Variants in FSD1L observed in about 807,000 individuals in gnomAD.
FSD1L encodes the protein FSD1-like protein.
In FSD1L, 45 loss-of-function variants were observed where a neutral mutation model predicts 71.6. That is an observed-to-expected ratio of 0.63 (90% CI 0.49 to 0.81). The LOEUF (loss-of-function observed/expected upper bound fraction) is 0.81, where lower values mean the gene tolerates loss of function less well. FSD1L is among the 30% of genes least tolerant of loss of function. The probability of loss-of-function intolerance (pLI) is 0.00; values close to 1 mark genes in which losing one functional copy is unlikely to be tolerated. For missense variants in FSD1L, 561 were observed against 618.1 expected (o/e 0.91, Z 0.98); for synonymous variants, 197 against 207.2 (o/e 0.95, Z 0.42).
At chr9:105,524,003 A>G (rs1835346608) in intron 10 of FSD1L, 9 of 1,597,730 alleles carry the variant, frequency 5.6e-6, no homozygotes, top group East Asian at 4.5e-5. Context: ...TATATTGTGA[A>G]CTGCCTTCTC....
intron 10 of FSD1L, chr9:105,524,904 C>T (rs1835412569): frequency 6.2e-7 from 1 of 1,610,194 alleles, no homozygotes; most frequent in African/African-American, 1.3e-5. Flanking sequence ...TTCTCCTGAA[C>T]TCTTTGAGAG....
chr9:105,526,209 T>G, intron 10 of FSD1L: 1 of 1,597,062 alleles, frequency 6.3e-7, no homozygotes, highest in Non-Finnish European at 8.6e-7. Flanking sequence ...AATCTCTGAT[T>G]CCATTGTATC....
intron 10 of FSD1L, among the ~76,000 whole-genome samples, chr9:105,530,337 ACTTATT>A (rs1370000408): frequency 3.9e-5 from 6 of 152,134 alleles, no homozygotes; most frequent in Non-Finnish European, 7.4e-5. Context: ...TTGACATAAA[ACTTATT>A]ATAAGTTGTT....
chr9:105,493,596 C>T (rs1022359606), intron 7 of FSD1L, among the ~76,000 whole-genome samples: 23 of 152,136 alleles, frequency 1.5e-4, no homozygotes, highest in South Asian at 4.2e-4. Context: ...TTCCTAGCCT[C>T]GATGGTCTTT....
chr9:105,527,866 C>T (rs1835622322), intron 10 of FSD1L, among the ~76,000 whole-genome samples: 2 of 152,096 alleles, frequency 1.3e-5, no homozygotes, highest in Non-Finnish European at 2.9e-5. Flanking sequence ...TCTCTGTTTG[C>T]AGATGACATG....
At chr9:105,526,116 C>A in intron 10 of FSD1L, 2 of 1,555,424 alleles carry the variant, frequency 1.3e-6, no homozygotes, top group Non-Finnish European at 1.8e-6. Flanking sequence ...TCTTTGGTCC[C>A]CTTTTTGATG....
chr9:105,515,198 T>G (rs972591018), intron 10 of FSD1L, among the ~76,000 whole-genome samples: 4 of 152,146 alleles, frequency 2.6e-5, no homozygotes, highest in Admixed American at 2.6e-4. Context: ...AACGCCCGCC[T>G]ACGCTTGGGC....
chr9:105,521,445 C>G, intron 10 of FSD1L: 1 of 1,613,684 alleles, frequency 6.2e-7, no homozygotes, highest in Non-Finnish European at 8.5e-7. Flanking sequence ...TGAAATAGTT[C>G]GCAGAGTTTT....
upstream of FSD1L, among the ~76,000 whole-genome samples, chr9:105,443,590 A>G (rs531704725): frequency 6.6e-6 from 1 of 152,178 alleles, no homozygotes; most frequent in African/African-American, 2.4e-5. Flanking sequence ...TTGACTTCCA[A>G]GGGGTTGCAG....
At chr9:105,503,905 C>G (rs376497310) in intron 7 of FSD1L, among the ~76,000 whole-genome samples, 3 of 152,282 alleles carry the variant, frequency 2.0e-5, no homozygotes, top group African/African-American at 4.8e-5. Context: ...ACCTCAGTTT[C>G]CATTTTGTCA....
intron 10 of FSD1L, chr9:105,522,047 A>G (rs1344544848): frequency 1.2e-6 from 2 of 1,612,976 alleles, no homozygotes; most frequent in African/African-American, 2.7e-5. Flanking sequence ...AGATGCCATC[A>G]CAAGCTTTTC....
chr9:105,505,779 G>A (rs954966617), intron 7 of FSD1L, among the ~76,000 whole-genome samples: 2 of 152,150 alleles, frequency 1.3e-5, no homozygotes, highest in Non-Finnish European at 2.9e-5. Context: ...TTTAAATCTG[G>A]TAGCTGCTGG....
intron 10 of FSD1L, among the ~76,000 whole-genome samples, chr9:105,519,609 G>A (rs927085408): frequency 6.6e-5 from 10 of 152,154 alleles, no homozygotes; most frequent in African/African-American, 2.2e-4. Flanking sequence ...TCCCCTTCAT[G>A]CTAAAAACTC....
rs992312022 is a variant in FSD1L at position 105,479,351 on chromosome 9, A to T, written c.442-3A>T. ...CTTTCTCTTCTCCCTGATTGGCTCC[A>T]AGGCTGCCAGACAGATCAAGGATAG... On this transcript the variant is annotated splice_polypyrimidine_tract_variant and splice_region_variant and intron_variant, in intron 5 of 13. Coordinates refer to ENST00000481272, the MANE Select transcript of FSD1L (RefSeq NM_001145313.3). 1.2e-5 allele frequency: 18 copies of T among 1,550,696 alleles called. No homozygotes were observed. The highest frequency in any genetic ancestry group is 1.6e-5 in the Non-Finnish European group (18 of 1,146,328).
intron 10 of FSD1L, chr9:105,523,187 T>C: frequency 6.2e-7 from 1 of 1,613,678 alleles, no homozygotes. Context: ...CTTTCTCTGC[T>C]GAAGTTGCAA....
chr9:105,462,606 C>T (rs1233571009), intron 2 of FSD1L, among the ~76,000 whole-genome samples: 1 of 148,698 alleles, frequency 6.7e-6, no homozygotes, highest in African/African-American at 2.5e-5. Context: ...TCACTGCAGC[C>T]TCCACCTCCC....
intron 7 of FSD1L, among the ~76,000 whole-genome samples, chr9:105,498,465 C>T (rs1173269334): frequency 6.6e-6 from 1 of 151,884 alleles, no homozygotes; most frequent in Admixed American, 6.6e-5. Flanking sequence ...TGTTACTGTA[C>T]TGAATACTGT....
intron 7 of FSD1L, among the ~76,000 whole-genome samples, chr9:105,503,591 A>T (rs1257590658): frequency 6.6e-6 from 1 of 152,228 alleles, no homozygotes; most frequent in Non-Finnish European, 1.5e-5. Context: ...ACTAATTTCT[A>T]CACTATTGCT....
chr9:105,493,677 C>A (rs1208553988), intron 7 of FSD1L, among the ~76,000 whole-genome samples: 6 of 152,062 alleles, frequency 3.9e-5, no homozygotes, highest in Admixed American at 3.3e-4. Flanking sequence ...CCTTCAGGAG[C>A]TCTTTTAGGG....
Sources: gnomAD v4.1 joint callset for allele counts (sites outside exome capture counted in the v4.1 genomes callset) on GRCh38, gnomAD v4.1.1 for gene constraint, MANE v1.5 for transcripts, NCBI Gene and HGNC (gene_info 2026-07-23, HGNC 2026-07-21) for gene names.